Variants in FAM53A observed in about 807,000 individuals in gnomAD.
FAM53A encodes the protein family with sequence similarity 53 member A.
FAM53A carries 28 observed loss-of-function variants against 26.6 expected under a neutral mutation model. That is an observed-to-expected ratio of 1.05 (90% CI 0.78 to 1.45). The LOEUF (loss-of-function observed/expected upper bound fraction) is 1.45. FAM53A is among the 40% of genes most tolerant of loss of function. The pLI is 0.00. For synonymous variants in FAM53A, 290 were observed against 253.1 expected, an observed-to-expected ratio of 1.15 and a Z score of -1.38; for missense variants, 650 against 575.8, an observed-to-expected ratio of 1.13 and a Z score of -1.32.
At chr4:1,620,420 G>C (rs193232976) in intron 1 of FAM53A, among the ~76,000 whole-genome samples, 41 of 152,022 alleles carry the variant, frequency 2.7e-4, no homozygotes, top group East Asian at 2.5e-3. Context: ...TTCCACAGAG[G>C]GGGGATTCTC....
chr4:1,594,262 G>A, the FAM53A span, among the ~76,000 whole-genome samples: 6 of 152,230 alleles, frequency 3.9e-5, no homozygotes, highest in Non-Finnish European at 8.8e-5. Context: ...AGGTCACCAG[G>A]TCAGGGCTCA....
At position 1,647,234 on chromosome 4, in the gene FAM53A, A is replaced by C. The variant is rs7683796; in HGVS notation, c.883-5627T>G. On this transcript the variant is annotated intron_variant, in intron 4 of 4. Coordinates refer to ENST00000308132, the MANE Select transcript of FAM53A (RefSeq NM_001174070.3). ...ACCTGTAATCCCAGCTACTCAGGAG[A>C]CTGAGGCAGAGAATCGCTTGAACCT... 9.9e-5 allele frequency among the ~76,000 whole-genome samples: 15 copies of C among 151,484 alleles called. 1 individual carries two copies. Among genetic ancestry groups the C allele is most frequent in the African/African-American group, 3.6e-4 (15 of 41,136 alleles).
intron 1 of FAM53A, among the ~76,000 whole-genome samples, chr4:1,633,693 C>A (rs1403255308): frequency 6.6e-6 from 1 of 152,176 alleles, no homozygotes; most frequent in Non-Finnish European, 1.5e-5. Context: ...CCAAGCATCT[C>A]ATCAACAGAG....
chr4:1,611,216 C>A, the FAM53A span, among the ~76,000 whole-genome samples: 2 of 152,202 alleles, frequency 1.3e-5, no homozygotes, highest in African/African-American at 4.8e-5. Context: ...GGCCTTCACT[C>A]CTCTTGCTCA....
At chr4:1,611,155 G>T in the FAM53A span, among the ~76,000 whole-genome samples, 1 of 152,222 alleles carries the variant, frequency 6.6e-6, no homozygotes, top group Non-Finnish European at 1.5e-5. Flanking sequence ...CGGCTCACAG[G>T]AAGCAGGGGC....
At chr4:1,609,145 T>C in the FAM53A span, among the ~76,000 whole-genome samples, 74,812 of 151,944 alleles carry the variant, frequency 0.49, 21,284 homozygotes, top group African/African-American at 0.79. Context: ...GAGTTGTCGC[T>C]GGTCTCAGGG....
the FAM53A span, among the ~76,000 whole-genome samples, chr4:1,590,490 A>G: frequency 6.6e-6 from 1 of 152,070 alleles, no homozygotes; most frequent in Admixed American, 6.6e-5. Context: ...AACCACAATA[A>G]AAACCTTTCC....
Position 1,655,386 on chromosome 4 carries a change from A to G in FAM53A, c.474T>C (p.Ser158=), listed in dbSNP as rs980353508. Residue 158 remains serine, a synonymous_variant, in exon 4 of 5, where the codon AGT becomes AGC. Coordinates refer to ENST00000308132, the MANE Select transcript of FAM53A (RefSeq NM_001174070.3). ...VSKRRCDSGG[S]ATRQGSPGAV... ...CGCCGGGGCTTCCCTGCCGCGTGGCACTCCCGCCGCTGTCGCACCGCCTCT... is the reference window on the plus strand; with the variant it reads ...CGCCGGGGCTTCCCTGCCGCGTGGCGCTCCCGCCGCTGTCGCACCGCCTCT... 1 of 1,448,984 alleles carries G rather than the reference A, an allele frequency of 6.9e-7. No individual in the cohort carries two copies. Among genetic ancestry groups the G allele is most frequent in the African/African-American group, 1.5e-5 (1 of 67,628 alleles). The allele number at this position is 1,448,984 out of a possible 1,614,324, so 89.8% of individuals were successfully genotyped here.
At chr4:1,619,683 C>G (rs1292680503) in intron 1 of FAM53A, among the ~76,000 whole-genome samples, 2 of 152,138 alleles carry the variant, frequency 1.3e-5, no homozygotes, top group African/African-American at 4.8e-5. Flanking sequence ...CGGCCTTGCG[C>G]TTTGTCTTTT....
At chr4:1,607,322 G>A in the FAM53A span, among the ~76,000 whole-genome samples, 1 of 151,358 alleles carries the variant, frequency 6.6e-6, no homozygotes. Context: ...TCCAGCCTCT[G>A]GGTTTTTTTT....
chr4:1,661,124 C>T (rs1036415898), intron 2 of FAM53A, among the ~76,000 whole-genome samples: 3 of 152,046 alleles, frequency 2.0e-5, no homozygotes, highest in African/African-American at 4.8e-5. Context: ...CCCCTCAGCC[C>T]GGGAACTGCT....
chr4:1,609,454 G>C, the FAM53A span, among the ~76,000 whole-genome samples: 17 of 152,042 alleles, frequency 1.1e-4, no homozygotes, highest in Non-Finnish European at 2.2e-4. Flanking sequence ...CCATGGGAGG[G>C]ACTCGGTGGA....
intron 4 of FAM53A, among the ~76,000 whole-genome samples, chr4:1,652,639 C>T (rs551615326): frequency 6.8e-6 from 1 of 147,298 alleles, no homozygotes; most frequent in South Asian, 2.2e-4. Context: ...GACACACCCA[C>T]CAGACATATC....
At chr4:1,583,835 T>G in the FAM53A span, among the ~76,000 whole-genome samples, 1 of 152,246 alleles carries the variant, frequency 6.6e-6, no homozygotes, top group Non-Finnish European at 1.5e-5. Context: ...GCCCACATCC[T>G]TGTCAATCCT....
chr4:1,616,795 G>A (rs996546632), downstream of FAM53A, among the ~76,000 whole-genome samples: 5 of 152,176 alleles, frequency 3.3e-5, no homozygotes, highest in Non-Finnish European at 5.9e-5. Context: ...GGCTGCTTTG[G>A]CTGGCTGAGC....
the FAM53A span, among the ~76,000 whole-genome samples, chr4:1,600,897 G>A: frequency 1.3e-5 from 2 of 152,180 alleles, no homozygotes; most frequent in South Asian, 2.1e-4. Context: ...CGGAGGAGAC[G>A]GCTCCTGTCA....
At chr4:1,583,700 C>A in the FAM53A span, among the ~76,000 whole-genome samples, 1 of 152,252 alleles carries the variant, frequency 6.6e-6, no homozygotes, top group Non-Finnish European at 1.5e-5. Flanking sequence ...CCTCCCGGGG[C>A]TTGTGCGAGG....
At chr4:1,648,284 T>C (rs1712422562) in intron 4 of FAM53A, among the ~76,000 whole-genome samples, 1 of 152,116 alleles carries the variant, frequency 6.6e-6, no homozygotes, top group Admixed American at 6.5e-5. Flanking sequence ...AGGTGCCACA[T>C]ATTCAGGTGA....
At chr4:1,586,782 CAA>C in the FAM53A span, among the ~76,000 whole-genome samples, 4 of 109,568 alleles carry the variant, frequency 3.7e-5, no homozygotes, top group Admixed American at 9.6e-5. Flanking sequence ...GACTCCGTCT[CAA>C]AAAAAAAAAA....
Sources: allele counts gnomAD v4.1 joint callset (sites outside exome capture counted in the v4.1 genomes callset), GRCh38; gene constraint gnomAD v4.1.1; transcripts MANE v1.5; gene names NCBI Gene and HGNC (gene_info 2026-07-23, HGNC 2026-07-21).